Variants in USP54 observed in about 807,000 individuals in gnomAD.
USP54 encodes ubiquitin carboxyl-terminal hydrolase 54.
A neutral mutation model predicts 170.5 loss-of-function variants in USP54; 87 were observed. That is an observed-to-expected ratio of 0.51 (90% CI 0.43 to 0.61). The LOEUF is 0.61. Among genes scored for constraint, USP54 ranks in the 20% least tolerant of loss-of-function variants. The pLI, the probability that USP54 is intolerant of heterozygous loss-of-function variation, is 0.00. For synonymous variants in USP54, 655 were observed against 742.8 expected (o/e 0.88, Z 1.92); for missense variants, 1,786 against 2,047.8 (o/e 0.87, Z 2.47).
upstream of USP54, among the ~76,000 whole-genome samples, chr10:73,594,454 G>A (rs1282932803): frequency 2.0e-5 from 3 of 152,116 alleles, no homozygotes; most frequent in Admixed American, 1.3e-4. Flanking sequence ...TGCCCAGGCT[G>A]GATGCAGTGG....
At chr10:73,599,713 TCTG>T (rs1234971158) in intron 1 of USP54, among the ~76,000 whole-genome samples, 1 of 151,992 alleles carries the variant, frequency 6.6e-6, no homozygotes, top group African/African-American at 2.4e-5. Context: ...AACAATTATC[TCTG>T]CTGCTAATAA....
At chr10:73,600,752 A>C (rs967699955) in intron 1 of USP54, among the ~76,000 whole-genome samples, 2 of 152,150 alleles carry the variant, frequency 1.3e-5, no homozygotes, top group Non-Finnish European at 2.9e-5. Context: ...CATCTCTACC[A>C]AAAATACAAA....
chr10:73,617,852 G>GT lies in USP54; in HGVS notation c.-18+7714dup, dbSNP rs1337105978. 2.0e-5 allele frequency among the ~76,000 whole-genome samples: 3 copies of GT among 149,810 alleles called. No homozygotes were observed. In the East Asian group the frequency reaches 5.8e-4, roughly 29 times the overall value. The stretch of plus-strand genomic sequence containing the variant: ...TTGAGTCCAGGAGGCAAAAGCTGCA[G>GT]TAAGCCGTGATTGCACTGCACTCCA... On this transcript the variant is annotated intron_variant, in intron 1 of 22. Transcript: ENST00000339859.
intron 20 of USP54, among the ~76,000 whole-genome samples, chr10:73,513,909 G>A (rs1046443064): frequency 6.6e-6 from 1 of 152,038 alleles, no homozygotes; most frequent in African/African-American, 2.4e-5. Context: ...CCACCTCCTG[G>A]GTTCAAGCAA....
At chr10:73,549,313 T>G (rs2068665826) in intron 4 of USP54, among the ~76,000 whole-genome samples, 1 of 152,202 alleles carries the variant, frequency 6.6e-6, no homozygotes, top group African/African-American at 2.4e-5. Flanking sequence ...ATCTCCCTCC[T>G]GAATTCCAAA....
intron 22 of USP54, 130 bp downstream of exon 22, chr10:73,504,719 AT>A: frequency 8.2e-7 from 1 of 1,212,546 alleles, no homozygotes; most frequent in South Asian, 1.5e-5. Context: ...GCGTGTCCTT[AT>A]TTTTGCTGAG....
At chr10:73,622,452 T>G (rs1382904842) in intron 1 of USP54, among the ~76,000 whole-genome samples, 1 of 151,836 alleles carries the variant, frequency 6.6e-6, no homozygotes, top group Non-Finnish European at 1.5e-5. Flanking sequence ...GCCTCCCGAG[T>G]GGCTGGAATT....
At chr10:73,561,326 T>TGC (rs2072991416) in intron 4 of USP54, among the ~76,000 whole-genome samples, 1 of 152,094 alleles carries the variant, frequency 6.6e-6, no homozygotes, top group African/African-American at 2.4e-5. Context: ...AGATAGCATT[T>TGC]CTAAAACTTC....
intron 5 of USP54, among the ~76,000 whole-genome samples, chr10:73,543,964 A>G (rs1644575845): frequency 6.7e-6 from 1 of 148,696 alleles, no homozygotes; most frequent in South Asian, 2.1e-4. Context: ...TTTTTTTGAG[A>G]CACACTCTGT....
chr10:73,508,607 A>T (rs924764643), intron 20 of USP54, among the ~76,000 whole-genome samples: 1 of 151,936 alleles, frequency 6.6e-6, no homozygotes, highest in African/African-American at 2.4e-5. Flanking sequence ...TTTGTATCTG[A>T]TTTTAATTGA....
chr10:73,597,599 C>A (rs1564946754), intron 1 of USP54, among the ~76,000 whole-genome samples: 2 of 152,120 alleles, frequency 1.3e-5, no homozygotes, highest in Non-Finnish European at 2.9e-5. Context: ...ACCAAAGTAG[C>A]CTTAAAAACC....
At chr10:73,583,866 C>CT (rs763507415) in intron 1 of USP54, among the ~76,000 whole-genome samples, 2 of 151,822 alleles carry the variant, frequency 1.3e-5, no homozygotes, top group Non-Finnish European at 2.9e-5. Flanking sequence ...AGTGTTATAC[C>CT]AATACTATTA....
chr10:73,522,442 CT>C (rs1449193097), intron 17 of USP54, among the ~76,000 whole-genome samples: 5 of 152,152 alleles, frequency 3.3e-5, no homozygotes, highest in African/African-American at 9.7e-5. Flanking sequence ...GCAGGAAATG[CT>C]GAACCACAGT....
intron 4 of USP54, among the ~76,000 whole-genome samples, chr10:73,559,358 C>T (rs1016534873): frequency 6.6e-6 from 1 of 151,970 alleles, no homozygotes; most frequent in Middle Eastern, 3.4e-3. Flanking sequence ...GTCGGGAGTT[C>T]GAGACTAGCC....
chr10:73,614,981 G>C (rs866602882), intron 1 of USP54: 3 of 150,260 alleles, frequency 2.0e-5, no homozygotes, highest in Non-Finnish European at 4.4e-5. Context: ...GATACACAGA[G>C]AGAGTTCCTA....
At chr10:73,580,471 G>A (rs1486730801) in intron 1 of USP54, among the ~76,000 whole-genome samples, 1 of 151,932 alleles carries the variant, frequency 6.6e-6, no homozygotes, top group East Asian at 1.9e-4. Context: ...ATAAAATTAT[G>A]GGATTATGGG....
upstream of USP54, chr10:73,591,674 T>C (rs1182082071): frequency 6.6e-6 from 1 of 152,202 alleles, no homozygotes. Flanking sequence ...GGGGCATTCC[T>C]GATGACAAAG....
intron 4 of USP54, among the ~76,000 whole-genome samples, chr10:73,567,753 T>A (rs983631482): frequency 2.6e-5 from 4 of 152,200 alleles, no homozygotes; most frequent in African/African-American, 9.6e-5. Context: ...TTCTGACTTA[T>A]CAGTAGATTG....
chr10:73,504,285 A>G (rs1451120680), intron 22 of USP54: 1 of 153,888 alleles, frequency 6.5e-6, no homozygotes, highest in Non-Finnish European at 1.4e-5. Flanking sequence ...ATGATTACCT[A>G]CAAACCTAGC....
Sources: gnomAD v4.1 joint callset for allele counts (sites outside exome capture counted in the v4.1 genomes callset) on GRCh38, gnomAD v4.1.1 for gene constraint, MANE v1.5 for transcripts, NCBI Gene and HGNC (gene_info 2026-07-23, HGNC 2026-07-21) for gene names.